The following RGS5 variants were observed in gnomAD, a reference collection of about 807,000 sequenced individuals.
The protein encoded by RGS5 is regulator of G protein signaling 5, also known as regulator of G-protein signalling 5.
Under a neutral mutation model 18.9 loss-of-function variants are expected in RGS5, and 20 were observed. The observed-to-expected ratio is 1.06, with a 90% confidence interval of 0.74 to 1.54. The LOEUF (loss-of-function observed/expected upper bound fraction) is 1.54. Ranked by LOEUF, RGS5 falls within the 40% of genes most tolerant of loss-of-function variation. The pLI, the probability that RGS5 is intolerant of heterozygous loss-of-function variation, is 0.00. For missense variants in RGS5, 201 were observed against 211.8 expected, an observed-to-expected ratio of 0.95 and a Z score of 0.32; for synonymous variants, 57 against 76.2, an observed-to-expected ratio of 0.75 and a Z score of 1.31.
intron 1 of RGS5, among the ~76,000 whole-genome samples, chr1:163,177,631 C>T (rs868045342): frequency 2.6e-5 from 4 of 152,150 alleles, no homozygotes; most frequent in Non-Finnish European, 4.4e-5. Flanking sequence ...TTCATTTAAT[C>T]ATACAATTCC....
chr1:163,246,344 G>A (rs1211414600), intron 2 of RGS5, among the ~76,000 whole-genome samples: 1 of 151,822 alleles, frequency 6.6e-6, no homozygotes, highest in African/African-American at 2.4e-5. Context: ...GCTGAGGCGG[G>A]CGGATCACGA....
chr1:163,222,863 T>C (rs1647257660), intron 2 of RGS5, among the ~76,000 whole-genome samples: 1 of 152,070 alleles, frequency 6.6e-6, no homozygotes, highest in African/African-American at 2.4e-5. Context: ...ATTTTTTTAT[T>C]TATTTATATA....
At chr1:163,255,569 C>A (rs921950028) in intron 2 of RGS5, among the ~76,000 whole-genome samples, 4 of 150,906 alleles carry the variant, frequency 2.7e-5, no homozygotes, top group African/African-American at 9.7e-5. Flanking sequence ...TGAAACTATT[C>A]CAATCAATAG....
chr1:163,204,166 C>T (rs1012734239), upstream of RGS5, among the ~76,000 whole-genome samples: 8 of 152,000 alleles, frequency 5.3e-5, no homozygotes, highest in Non-Finnish European at 1.0e-4. Context: ...AGACAAATAT[C>T]CAAGTGCATC....
intron 2 of RGS5, among the ~76,000 whole-genome samples, chr1:163,297,634 T>C (rs1325863310): frequency 6.6e-6 from 1 of 152,158 alleles, no homozygotes; most frequent in Non-Finnish European, 1.5e-5. Context: ...TGCTCCACAG[T>C]TGTACTCATT....
intron 2 of RGS5, among the ~76,000 whole-genome samples, chr1:163,228,475 C>A (rs1445010680): frequency 6.6e-6 from 1 of 152,042 alleles, no homozygotes; most frequent in Admixed American, 6.6e-5. Context: ...CTGCACACAG[C>A]AAGGGGGCCC....
chr1:163,254,549 C>T (rs907096371), intron 2 of RGS5, among the ~76,000 whole-genome samples: 12 of 151,846 alleles, frequency 7.9e-5, no homozygotes, highest in African/African-American at 1.2e-4. Flanking sequence ...GGATATTAGC[C>T]GTTTGTCAGT....
At chr1:163,185,823 T>C (rs145214956) in intron 1 of RGS5, among the ~76,000 whole-genome samples, 156 of 152,356 alleles carry the variant, frequency 1.0e-3, no homozygotes, top group African/African-American at 3.6e-3. Context: ...ACAATAATCC[T>C]ATGAGACAGG....
chr1:163,297,050 T>C (rs1468472728), intron 2 of RGS5, among the ~76,000 whole-genome samples: 1 of 152,190 alleles, frequency 6.6e-6, no homozygotes, highest in Non-Finnish European at 1.5e-5. Flanking sequence ...TAATCATCCT[T>C]ATCTGTTGCA....
rs529668852 is a variant in RGS5 at position 163,286,747 on chromosome 1, C to T, written c.-281+19486G>A. 3.9e-5 allele frequency among the ~76,000 whole-genome samples: 6 copies of T among 152,010 alleles called. No individual in the cohort carries two copies. The East Asian group carries it at 9.6e-4, about 24-fold the overall frequency. ...TCTCTGCCAGCTCAATACTCATTGT[C>T]TTTAACTTCTTATTTTTAGCTCATA... On this transcript the variant is annotated intron_variant, in intron 2 of 5. Transcript: ENST00000618415.
intron 2 of RGS5, among the ~76,000 whole-genome samples, chr1:163,298,375 TAGG>T (rs1436201062): frequency 6.6e-6 from 1 of 152,074 alleles, no homozygotes; most frequent in African/African-American, 2.4e-5. Flanking sequence ...GACAGTTTAG[TAGG>T]AGAAAAGCTA....
intron 1 of RGS5, among the ~76,000 whole-genome samples, chr1:163,174,496 G>A (rs1658453786): frequency 6.6e-6 from 1 of 152,198 alleles, no homozygotes; most frequent in Non-Finnish European, 1.5e-5. Context: ...GTGCAGCTTA[G>A]AATGAGTCAC....
intron 1 of RGS5, among the ~76,000 whole-genome samples, chr1:163,314,826 G>C (rs1165562663): frequency 6.6e-6 from 1 of 152,080 alleles, no homozygotes; most frequent in Admixed American, 6.6e-5. Context: ...CATTATGCGA[G>C]GGCACAGCTA....
intron 1 of RGS5, among the ~76,000 whole-genome samples, chr1:163,192,157 T>A (rs936520463): frequency 6.6e-6 from 1 of 152,212 alleles, no homozygotes. Flanking sequence ...CCGTGTCTTA[T>A]GAGACATTAT....
rs1049659441 is a variant in RGS5, at chr1:163,144,744, C to T, written c.*2598G>A. The T allele has an allele frequency of 3.3e-5, 5 of 152,554 alleles. No homozygotes were observed. Among genetic ancestry groups the T allele is most frequent in the African/African-American group, 1.2e-4 (5 of 41,444 alleles). 9.5% of individuals were successfully genotyped at this position (152,554 alleles called of 1,614,324 possible). A position where few individuals can be genotyped will look rare whatever the true frequency, so the allele number is the denominator to read the frequency against. On this transcript the variant is annotated 3_prime_UTR_variant, in exon 5 of 5. Coordinates refer to ENST00000313961, the MANE Select transcript of RGS5 (RefSeq NM_003617.4). ...CCAGAATTAAAAGAATGTATTTTAT[C>T]TGTATTACCATGGAAATTACTAGTA...
intron 2 of RGS5, among the ~76,000 whole-genome samples, chr1:163,240,568 C>A (rs1647762927): frequency 6.6e-6 from 1 of 152,148 alleles, no homozygotes; most frequent in Non-Finnish European, 1.5e-5. Flanking sequence ...CTCACCCAGG[C>A]TGCAGAGTTG....
intron 2 of RGS5, among the ~76,000 whole-genome samples, chr1:163,246,100 C>T (rs1482300774): frequency 1.3e-5 from 2 of 151,908 alleles, no homozygotes; most frequent in Non-Finnish European, 1.5e-5. Context: ...ACCTGCAGTC[C>T]CAGCTACTCG....
At chr1:163,272,519 C>T (rs892808855) in intron 2 of RGS5, among the ~76,000 whole-genome samples, 3 of 152,044 alleles carry the variant, frequency 2.0e-5, no homozygotes, top group Non-Finnish European at 4.4e-5. Context: ...CTATGATTTA[C>T]TCTTGAATTT....
At chr1:163,317,204 C>A (rs1197466752) in intron 1 of RGS5, among the ~76,000 whole-genome samples, 1 of 152,104 alleles carries the variant, frequency 6.6e-6, no homozygotes, top group Non-Finnish European at 1.5e-5. Context: ...TCTGTGTTAC[C>A]TAAATCAGAG....
Sources: gnomAD v4.1 joint callset for allele counts (sites outside exome capture counted in the v4.1 genomes callset) on GRCh38, gnomAD v4.1.1 for gene constraint, MANE v1.5 for transcripts, NCBI Gene and HGNC (gene_info 2026-07-23, HGNC 2026-07-21) for gene names.